ARAP3: variants seen among roughly 807,000 people sequenced by gnomAD.
The protein encoded by ARAP3 is ArfGAP with RhoGAP domain, ankyrin repeat and PH domain 3.
A neutral mutation model predicts 169.2 loss-of-function variants in ARAP3; 82 were observed. The observed-to-expected ratio is 0.48, with a 90% CI of 0.41 to 0.58. The LOEUF is 0.58. Among genes scored for constraint, ARAP3 ranks in the 20% least tolerant of loss-of-function variants. ARAP3 has a pLI of 0.00. For missense variants in ARAP3, 1,764 were observed against 2,018.0 expected (o/e 0.87, Z 2.41); for synonymous variants, 791 against 800.3 (o/e 0.99, Z 0.20).
chr5:141,655,479 G>A (rs1239366269), intron 31 of ARAP3, 79 bp from the exon 32 acceptor site: 9 of 1,574,688 alleles, frequency 5.7e-6, no homozygotes, highest in Non-Finnish European at 7.8e-6. Context: ...AGACAGGGGT[G>A]GGGAATGGGG....
chr5:141,664,886 C>T, intron 19 of ARAP3, 36 bp downstream of exon 19: 4 of 497,378 alleles, frequency 8.0e-6, no homozygotes, highest in African/African-American at 2.2e-5. Context: ...CCACCCCCCA[C>T]CCCCATTGGC....
Position 141,659,995 on chromosome 5 carries a change from T to C in ARAP3, c.3120-69A>G, listed in dbSNP as rs145906849. 536 of 1,496,874 alleles carry C rather than the reference T, an allele frequency of 3.6e-4. 1 individual carries two copies. The Middle Eastern group carries it at 3.9e-3, about 11-fold the overall frequency. 92.7% of individuals were successfully genotyped at this position (1,496,874 alleles called of 1,614,324 possible). A position where few individuals can be genotyped will look rare whatever the true frequency, so the allele number is the denominator to read the frequency against. The stretch of plus-strand genomic sequence containing the variant: ...CAGCAAACACTTATTGAGTCCCTAT[T>C]GTATGCCTGGGCTAAGTGCTTGGAA... On this transcript the variant is annotated intron_variant, in intron 21 of 32. Coordinates refer to ENST00000239440, the MANE Select transcript of ARAP3 (RefSeq NM_022481.6).
At position 141,662,383 on chromosome 5, in the gene ARAP3, A is replaced by T. The variant is rs542914905; in HGVS notation, c.2801-128T>A. 4 of 836,290 alleles carry T rather than the reference A, an allele frequency of 4.8e-6. No homozygotes were observed. In the South Asian group the frequency reaches 6.8e-5, roughly 14 times the overall value. 51.8% of individuals were successfully genotyped at this position (836,290 alleles called of 1,614,324 possible). On this transcript the variant is annotated intron_variant, in intron 19 of 32. Transcript: ENST00000239440. ...ATGGGATTCAGAGAGGAGGAGATCTATGCCTCCATGTTCTTGATTCTCAGG... is the reference window on the plus strand; with the variant it reads ...ATGGGATTCAGAGAGGAGGAGATCTTTGCCTCCATGTTCTTGATTCTCAGG...
chr5:141,664,959 G>A lies in ARAP3; in HGVS notation c.2763C>T (p.Ile921=). 3.1e-6 allele frequency: 5 copies of A among 1,610,038 alleles called. No individual in the cohort carries two copies. The highest frequency in any genetic ancestry group is 4.2e-6 in the Non-Finnish European group (5 of 1,179,658). Residue 921 remains isoleucine (I), a synonymous_variant, in exon 19 of 33, where the codon ATC becomes ATT. Coordinates refer to ENST00000239440, the MANE Select transcript of ARAP3 (RefSeq NM_022481.6). ...CAAAACTGATGCAGGCATCCACGAT[G>A]ATGGGGATGTCACCCCGGCTCATCT... ...EQQMSRGDIP[I]IVDACISFVT...
At chr5:141,665,179 A>T in intron 18 of ARAP3, 94 bp from the exon 19 acceptor site, 1 of 1,559,334 alleles carries the variant, frequency 6.4e-7, no homozygotes, top group Non-Finnish European at 8.7e-7. Flanking sequence ...GGGCAGCAAC[A>T]CCCAACCCAA....
At position 141,673,608 on chromosome 5, in the gene ARAP3, T is replaced by A; in HGVS notation, c.899A>T (p.Gln300Leu). ...CCCTTCCCCTCCCAGCACCCACCCC[T>A]GAGGGGAGAGCTTGTCTAGCCAGCC... Reference protein sequence around the residue: ...LSGWLDKLSPQGNYVFQRRFV... With the variant: ...LSGWLDKLSPLGNYVFQRRFV... Residue 300 changes from glutamine (Q) to leucine (L), a missense_variant, in exon 5 of 33, where the codon CAG becomes CTG. Around this residue, in one of 3 missense-constraint regions of ARAP3, gnomAD observed 630 missense variants for 678.7 expected, o/e 0.93. Transcript: ENST00000239440. 2 of 1,612,198 alleles carry A rather than the reference T, an allele frequency of 1.2e-6. No homozygotes were observed. Among genetic ancestry groups the A allele is most frequent in the Non-Finnish European group, 1.7e-6 (2 of 1,178,600 alleles).
At chr5:141,673,189 G>A in intron 6 of ARAP3, 56 bp from the exon 7 acceptor site, 1 of 1,610,064 alleles carries the variant, frequency 6.2e-7, no homozygotes, top group Non-Finnish European at 8.5e-7. Flanking sequence ...ATGTGTGCCA[G>A]CCCCTGGGTC....
At chr5:141,661,645 A>T (rs1037158539) in intron 21 of ARAP3, 39 bp downstream of exon 21, 1 of 1,553,110 alleles carries the variant, frequency 6.4e-7, no homozygotes, top group Non-Finnish European at 8.9e-7. Context: ...GTCAGATTGA[A>T]GTGAGGAAGG....
At chr5:141,662,712 T>C (rs2099910126) in intron 19 of ARAP3, among the ~76,000 whole-genome samples, 1 of 152,240 alleles carries the variant, frequency 6.6e-6, no homozygotes, top group Non-Finnish European at 1.5e-5. Flanking sequence ...TGTATCCTTT[T>C]AATGGTATAT....
rs1309477351 is a variant in ARAP3, at chr5:141,653,779, T to C, written c.*171A>G. The stretch of plus-strand genomic sequence containing the variant: ...ATGGGCTGGGCCCAGAGAGGGGCCA[T>C]GACCTGTCCTGGGACACGCAGCCAC... On this transcript the variant is annotated 3_prime_UTR_variant, in exon 33 of 33. Transcript: ENST00000239440. 4 of 856,336 alleles carry C rather than the reference T, an allele frequency of 4.7e-6. No homozygotes were observed. Among genetic ancestry groups the C allele is most frequent in the Non-Finnish European group, 5.0e-6 (3 of 597,762 alleles). The allele number at this position is 856,336 out of a possible 1,614,324, so 53.0% of individuals were successfully genotyped here. A position where few individuals can be genotyped will look rare whatever the true frequency, so the allele number is the denominator to read the frequency against.
chr5:141,675,593 G>A (rs2099912067), intron 4 of ARAP3, among the ~76,000 whole-genome samples: 1 of 151,806 alleles, frequency 6.6e-6, no homozygotes, highest in South Asian at 2.1e-4. Context: ...TGTGCTGGCG[G>A]GCGCCTGTAA....
Position 141,671,295 on chromosome 5 carries a change from C to G in ARAP3, c.1960G>C (p.Asp654His), listed in dbSNP as rs1294890609. ...GEEPWFPPAP[D>H]GSCPGLLPSD... ...GGCAAGAGGCCAGGGCAGCTGCCAT[C>G]AGGGGCTGGGGGGAACCAGGGCTCC... is the stretch of plus-strand genomic sequence containing the variant. Residue 654 changes from aspartate to histidine, a missense_variant, in exon 13 of 33, where the codon GAT becomes CAT. By Grantham distance (81) the Asp-to-His change is moderately conservative. Around this residue, in one of 3 missense-constraint regions of ARAP3, gnomAD observed 1,112 missense variants for 1,285.7 expected, o/e 0.86. Transcript: ENST00000239440. The surrounding 1 kb of genome is among the most constrained non-coding windows in gnomAD (Gnocchi z 4.9). 7.4e-6 allele frequency: 12 copies of G among 1,612,748 alleles called. No homozygotes were observed. Among genetic ancestry groups the G allele is most frequent in the Middle Eastern group, 1.7e-4 (1 of 6,046 alleles).
At position 141,679,705 on chromosome 5, in the gene ARAP3, T is replaced by C. The variant is rs775247911; in HGVS notation, c.587-49A>G. The C allele has an allele frequency of 1.9e-6, 3 of 1,612,906 alleles. No individual in the cohort carries two copies. In the Admixed American group the frequency reaches 5.0e-5, roughly 27 times the overall value. ...ACAAGGAAGAGGAGATCGCTGGGAG[T>C]GTATGAGGTCCTGCCGGCACTATCC... On this transcript the variant is annotated intron_variant, in intron 3 of 32. Transcript: ENST00000239440.
intron 19 of ARAP3, among the ~76,000 whole-genome samples, chr5:141,664,257 G>A (rs1168493994): frequency 1.3e-5 from 2 of 152,092 alleles, no homozygotes; most frequent in Non-Finnish European, 2.9e-5. Context: ...GGTGGGGCAC[G>A]CCTGCAATCC....
intron 4 of ARAP3, among the ~76,000 whole-genome samples, chr5:141,678,566 C>T (rs1396372711): frequency 2.0e-5 from 3 of 151,770 alleles, no homozygotes; most frequent in Admixed American, 1.3e-4. Flanking sequence ...TTAGTCACTG[C>T]TACCTCCACC....
chr5:141,665,714 C>G (rs13159834), intron 17 of ARAP3, among the ~76,000 whole-genome samples: 22,240 of 151,918 alleles, frequency 0.15, 1,702 homozygotes, highest in East Asian at 0.25. Flanking sequence ...CAGGACCCAA[C>G]CAGCAAGTGA....
chr5:141,667,114 A>G (rs1274548441), intron 16 of ARAP3, among the ~76,000 whole-genome samples: 4 of 152,002 alleles, frequency 2.6e-5, no homozygotes, highest in Admixed American at 1.3e-4. Context: ...GGGTTTTGCC[A>G]TGTTGCCCAG....
rs1562399840 is a variant in ARAP3 at position 141,654,247 on chromosome 5, A to T, written c.4338T>A (p.Asp1446Glu). The change falls in exon 33 of 33, where the codon GAT becomes GAA. Residue 1446 changes from aspartate (D) to glutamate (E), a missense_variant. Physicochemically the swap from Asp to Glu is conservative, Grantham distance 45 (BLOSUM62 2). Coordinates refer to ENST00000239440, the MANE Select transcript of ARAP3 (RefSeq NM_022481.6). ...ENPLTSQKSL[D>E]QPFLSKSSTL... ...TGCTTGACTTGGAGAGAAAGGGTTG[A>T]TCCAATGACTTCTGGCTGGTGAGGG... The T allele has an allele frequency of 6.2e-7, 1 of 1,614,136 alleles. No individual in the cohort carries two copies.
In ARAP3 at chr5:141,672,566, G is replaced by C. The variant is rs1191940226; in HGVS notation, c.1371C>G (p.Pro457=). The C allele has an allele frequency of 3.1e-6, 5 of 1,614,116 alleles. No individual in the cohort carries two copies. Among genetic ancestry groups the C allele is most frequent in the Non-Finnish European group, 4.2e-6 (5 of 1,179,988 alleles). Residue 457 remains proline, a synonymous_variant, in exon 9 of 33, where the codon CCC becomes CCG. Coordinates refer to ENST00000239440, the MANE Select transcript of ARAP3 (RefSeq NM_022481.6). The surrounding 1 kb of genome is among the most constrained non-coding windows in gnomAD (Gnocchi z 4.9). ...CCAGGCCCCACCTGAAGCAGCGATG[G>C]GGTGTGAGCAGGTCAAAGCTTCGAC... is the stretch of plus-strand genomic sequence containing the variant. The part of the protein sequence containing the change: ...TKSRSFDLLT[P]HRCFSFTAES...
Sources: allele counts gnomAD v4.1 joint callset (sites outside exome capture counted in the v4.1 genomes callset), GRCh38; gene constraint gnomAD v4.1.1; regional missense constraint gnomAD v4.1.1; non-coding constraint Gnocchi (gnomAD v3.1); transcripts MANE v1.5; gene names NCBI Gene and HGNC (gene_info 2026-07-23, HGNC 2026-07-21).